The following CCDC192 variants were observed in gnomAD, a reference collection of about 807,000 sequenced individuals.
CCDC192 encodes coiled-coil domain containing 192.
At chr5:127,726,748 A>G (rs1342598335) in intron 2 of CCDC192, among the ~76,000 whole-genome samples, 1 of 152,208 alleles carries the variant, frequency 6.6e-6, no homozygotes, top group Non-Finnish European at 1.5e-5. Context: ...CCAGGGGTTT[A>G]CGGACAGAGC....
intron 6 of CCDC192, among the ~76,000 whole-genome samples, chr5:127,940,260 A>T (rs1160581225): frequency 6.6e-6 from 1 of 152,166 alleles, no homozygotes; most frequent in Non-Finnish European, 1.5e-5. Context: ...GATTTTATTA[A>T]GAAGTGCCAA....
intron 1 of CCDC192, among the ~76,000 whole-genome samples, chr5:127,704,128 A>G (rs1425445441): frequency 3.9e-5 from 6 of 152,266 alleles, no homozygotes; most frequent in East Asian, 1.9e-4. Flanking sequence ...GCTACATCCT[A>G]TAGGGCAGTA....
intron 2 of CCDC192, among the ~76,000 whole-genome samples, chr5:127,737,177 T>C (rs1753065580): frequency 6.6e-6 from 1 of 152,076 alleles, no homozygotes; most frequent in African/African-American, 2.4e-5. Flanking sequence ...CTGCCTTCAT[T>C]TCATTATGTA....
intron 3 of CCDC192, among the ~76,000 whole-genome samples, chr5:127,791,974 T>C (rs1756889037): frequency 6.6e-6 from 1 of 152,168 alleles, no homozygotes; most frequent in Admixed American, 6.5e-5. Context: ...GAATGATGTA[T>C]GAGCAAGTTG....
chr5:127,802,651 A>G (rs1260439433), intron 5 of CCDC192, among the ~76,000 whole-genome samples: 1 of 152,030 alleles, frequency 6.6e-6, no homozygotes, highest in Non-Finnish European at 1.5e-5. Flanking sequence ...CTTTTCAGTC[A>G]TTTGTCACAC....
At chr5:127,825,601 C>T (rs1749491269) in intron 5 of CCDC192, among the ~76,000 whole-genome samples, 1 of 152,220 alleles carries the variant, frequency 6.6e-6, no homozygotes, top group Admixed American at 6.5e-5. Flanking sequence ...CTAGGTGCTT[C>T]TGGGAGGTTC....
chr5:127,748,463 C>A (rs1403240652), intron 2 of CCDC192, among the ~76,000 whole-genome samples: 30 of 77,466 alleles, frequency 3.9e-4, no homozygotes, highest in African/African-American at 1.2e-3. Context: ...TTCCATTGAT[C>A]TATATCTCTG....
At chr5:127,937,912 A>G (rs573653336) in intron 6 of CCDC192, among the ~76,000 whole-genome samples, 76 of 152,348 alleles carry the variant, frequency 5.0e-4, no homozygotes, top group African/African-American at 1.7e-3. Flanking sequence ...CTAAAAGCAG[A>G]GGAAAAACTG....
At chr5:127,887,481 A>C (rs1752603030) in intron 6 of CCDC192, among the ~76,000 whole-genome samples, 2 of 152,122 alleles carry the variant, frequency 1.3e-5, no homozygotes, top group Non-Finnish European at 2.9e-5. Context: ...TTTGAAAAAC[A>C]ATGCCTTCCA....
At chr5:127,903,225 T>G (rs1753094896) in intron 6 of CCDC192, among the ~76,000 whole-genome samples, 1 of 152,076 alleles carries the variant, frequency 6.6e-6, no homozygotes, top group South Asian at 2.1e-4. Flanking sequence ...GTTCTGTAAT[T>G]CATTCTTTTG....
chr5:127,873,818 T>C (rs1160846922), intron 5 of CCDC192, among the ~76,000 whole-genome samples: 1 of 152,158 alleles, frequency 6.6e-6, no homozygotes, highest in Non-Finnish European at 1.5e-5. Context: ...ATAGATGAGA[T>C]CCTCATGAAC....
chr5:127,917,861 C>A (rs550548509), intron 6 of CCDC192, among the ~76,000 whole-genome samples: 1 of 152,016 alleles, frequency 6.6e-6, no homozygotes, highest in African/African-American at 2.4e-5. Context: ...GCACTAAAAC[C>A]GGGCATGGTG....
rs1460368798 is a variant in CCDC192 at position 127,735,248 on chromosome 5, C to T, written c.115-19020C>T. On this transcript the variant is annotated intron_variant, in intron 2 of 6. Coordinates refer to ENST00000514853, the MANE Select transcript of CCDC192 (RefSeq NM_001317938.2). ...AGATCAGATAGTTGTAGATATGCGG[C>T]GTTATTTCTGAGGGCTCTGTTCTGT... Among the ~76,000 whole-genome samples, 10 of 98,638 alleles carry T rather than the reference C, an allele frequency of 1.0e-4. 1 individual carries two copies. Among genetic ancestry groups the T allele is most frequent in the African/African-American group, 3.5e-4 (8 of 22,604 alleles). The allele number at this position is 98,638 out of a possible 152,430, so 64.7% of individuals were successfully genotyped here. A position where few individuals can be genotyped will look rare whatever the true frequency, so the allele number is the denominator to read the frequency against.
At chr5:127,815,907 A>G (rs998136784) in intron 5 of CCDC192, among the ~76,000 whole-genome samples, 1 of 152,176 alleles carries the variant, frequency 6.6e-6, no homozygotes, top group Non-Finnish European at 1.5e-5. Context: ...TGTACAAGAA[A>G]GAGAATTTGT....
At chr5:127,931,128 C>A (rs1469261028) in intron 6 of CCDC192, among the ~76,000 whole-genome samples, 4 of 152,306 alleles carry the variant, frequency 2.6e-5, no homozygotes, top group Non-Finnish European at 4.4e-5. Context: ...TGTTAAACTT[C>A]TGTGGAAGCT....
chr5:127,890,221 T>A (rs888527485), intron 6 of CCDC192, among the ~76,000 whole-genome samples: 7 of 152,058 alleles, frequency 4.6e-5, no homozygotes, highest in Middle Eastern at 3.4e-3. Context: ...AAAATTTTTT[T>A]AAAAAAATAG....
Position 127,738,522 on chromosome 5 carries a change from G to A in CCDC192, c.115-15746G>A, listed in dbSNP as rs569644270. Among the ~76,000 whole-genome samples, 5 of 143,970 alleles carry A rather than the reference G, an allele frequency of 3.5e-5. 1 individual carries two copies. The South Asian group carries it at 1.2e-3, about 35-fold the overall frequency. 94.4% of individuals were successfully genotyped at this position (143,970 alleles called of 152,430 possible). A position where few individuals can be genotyped will look rare whatever the true frequency, so the allele number is the denominator to read the frequency against. ...GTTCTCCTGGATAATATCCTGCAGA[G>A]TGTTTTCCAACTTGGTTCCATTCTC... On this transcript the variant is annotated intron_variant, in intron 2 of 6. Transcript: ENST00000514853.
chr5:127,912,581 A>G (rs1753406008), intron 6 of CCDC192, among the ~76,000 whole-genome samples: 1 of 152,100 alleles, frequency 6.6e-6, no homozygotes, highest in South Asian at 2.1e-4. Context: ...TGATAGTGGG[A>G]GGTTTCTCGG....
chr5:127,912,034 G>C (rs1011711215), intron 6 of CCDC192, among the ~76,000 whole-genome samples: 8 of 150,746 alleles, frequency 5.3e-5, no homozygotes, highest in African/African-American at 2.0e-4. Context: ...CAGTTCTCCT[G>C]CCTCAGCCTC....
Sources: allele counts gnomAD v4.1 joint callset (sites outside exome capture counted in the v4.1 genomes callset), GRCh38; gene constraint gnomAD v4.1.1; transcripts MANE v1.5; gene names NCBI Gene and HGNC (gene_info 2026-07-23, HGNC 2026-07-21).